Variants in CCSER1 observed in about 807,000 individuals in gnomAD.
CCSER1 encodes the protein serine-rich coiled-coil domain-containing protein 1.
In CCSER1, 41 loss-of-function variants were observed where a neutral mutation model predicts 82.0. The observed-to-expected ratio is 0.50, with a 90% CI of 0.39 to 0.65. The LOEUF (loss-of-function observed/expected upper bound fraction) is 0.65, where lower values mean the gene tolerates loss of function less well. CCSER1 is among the 30% of genes least tolerant of loss of function. The pLI is 0.00. For missense variants in CCSER1, 1,119 were observed against 1,064.2 expected (o/e 1.05, Z -0.72); for synonymous variants, 414 against 383.9 (o/e 1.08, Z -0.92).
At chr4:90,342,887 G>A (rs925195282) in intron 3 of CCSER1, among the ~76,000 whole-genome samples, 1 of 151,680 alleles carries the variant, frequency 6.6e-6, no homozygotes, top group African/African-American at 2.4e-5. Context: ...TTAGATCATA[G>A]TATTTTTTAA....
chr4:90,163,975 A>C (rs762881191), intron 1 of CCSER1, among the ~76,000 whole-genome samples: 53 of 152,226 alleles, frequency 3.5e-4, no homozygotes, highest in Middle Eastern at 3.4e-3. Flanking sequence ...TCCTTTTGGC[A>C]AGTGTTGAAT....
At position 91,551,490 on chromosome 4, in the gene CCSER1, G is replaced by A. The variant is rs183508130; in HGVS notation, c.2218-47082G>A. ...TATTTCTATTAGGGTTTTATTGTAGGTAAAGTTGAAAACCACTGGATACAG... is the reference window on the plus strand; with the variant it reads ...TATTTCTATTAGGGTTTTATTGTAGATAAAGTTGAAAACCACTGGATACAG... On this transcript the variant is annotated intron_variant, in intron 10 of 10. Coordinates refer to ENST00000509176, the MANE Select transcript of CCSER1 (RefSeq NM_001145065.2). Among the ~76,000 whole-genome samples, 13 of 152,154 alleles carry A rather than the reference G, an allele frequency of 8.5e-5. No individual in the cohort carries two copies. The East Asian group carries it at 2.1e-3, about 25-fold the overall frequency.
chr4:91,082,165 T>C (rs1437753967), intron 9 of CCSER1, among the ~76,000 whole-genome samples: 3 of 152,172 alleles, frequency 2.0e-5, no homozygotes, highest in Non-Finnish European at 4.4e-5. Flanking sequence ...CTTCAAAGTA[T>C]ACTACAAGGC....
rs145795332 is a variant in CCSER1, at chr4:91,180,351, G to A, written c.2217+94357G>A. On this transcript the variant is annotated intron_variant, in intron 10 of 10. Transcript: ENST00000509176. ...CTCTTCAAAGCTGTCAGACAGGGAC[G>A]TTGAAGTCTGCAGAAGTTTCTGCTG... Among the ~76,000 whole-genome samples, 7 of 152,324 alleles carry A rather than the reference G, an allele frequency of 4.6e-5. No homozygotes were observed. In the East Asian group the frequency reaches 9.7e-4, roughly 21 times the overall value.
chr4:90,865,487 A>G (rs1030357977), intron 8 of CCSER1, among the ~76,000 whole-genome samples: 2 of 151,982 alleles, frequency 1.3e-5, no homozygotes, highest in African/African-American at 4.8e-5. Flanking sequence ...TCCAGCTGTC[A>G]TATCTCTGAT....
chr4:90,948,896 A>G (rs1732579867), intron 9 of CCSER1, among the ~76,000 whole-genome samples: 2 of 151,998 alleles, frequency 1.3e-5, no homozygotes, highest in Non-Finnish European at 2.9e-5. Flanking sequence ...AATACCACGT[A>G]CTGACCAACC....
At chr4:90,899,855 T>C (rs533661992) in intron 8 of CCSER1, among the ~76,000 whole-genome samples, 1 of 152,172 alleles carries the variant, frequency 6.6e-6, no homozygotes. Flanking sequence ...TTGCTAGCAT[T>C]GTACTGAGGA....
At chr4:90,314,298 T>C (rs193088085) in intron 3 of CCSER1, among the ~76,000 whole-genome samples, 2 of 152,314 alleles carry the variant, frequency 1.3e-5, no homozygotes, top group Admixed American at 6.5e-5. Flanking sequence ...TATATTATTA[T>C]TGTTGCAGTG....
intron 10 of CCSER1, among the ~76,000 whole-genome samples, chr4:91,468,246 G>A (rs979899622): frequency 5.3e-5 from 8 of 152,008 alleles, no homozygotes; most frequent in Admixed American, 1.3e-4. Flanking sequence ...GCAAACTATC[G>A]CAAGGACAAA....
intron 8 of CCSER1, among the ~76,000 whole-genome samples, chr4:90,915,509 G>A (rs1026100721): frequency 6.6e-6 from 1 of 152,116 alleles, no homozygotes; most frequent in Admixed American, 6.6e-5. Flanking sequence ...TTGATGGGAT[G>A]TATCTCAAAA....
At chr4:90,884,600 T>C (rs1721841784) in intron 8 of CCSER1, among the ~76,000 whole-genome samples, 1 of 152,128 alleles carries the variant, frequency 6.6e-6, no homozygotes, top group African/African-American at 2.4e-5. Flanking sequence ...AAAAAAATTC[T>C]GAAGGAGCAG....
At chr4:91,136,138 C>G (rs985208536) in intron 10 of CCSER1, among the ~76,000 whole-genome samples, 24 of 152,166 alleles carry the variant, frequency 1.6e-4, no homozygotes, top group African/African-American at 5.8e-4. Flanking sequence ...TCTGATGTCC[C>G]TGAACCTTCC....
chr4:90,477,059 T>C (rs1180603681), intron 5 of CCSER1, among the ~76,000 whole-genome samples: 5 of 152,182 alleles, frequency 3.3e-5, no homozygotes, highest in African/African-American at 9.7e-5. Flanking sequence ...AGAAAAAGCA[T>C]GGTGCCAACT....
intron 1 of CCSER1, among the ~76,000 whole-genome samples, chr4:90,221,264 T>G (rs1041453732): frequency 2.0e-5 from 3 of 152,140 alleles, no homozygotes; most frequent in Non-Finnish European, 4.4e-5. Context: ...GATAATTACA[T>G]GTAATATGAA....
intron 5 of CCSER1, among the ~76,000 whole-genome samples, chr4:90,579,909 A>G (rs1781241695): frequency 1.3e-5 from 2 of 152,070 alleles, no homozygotes; most frequent in African/African-American, 4.8e-5. Flanking sequence ...AGTTCTATAA[A>G]CTGAATTATT....
At chr4:90,314,593 A>G (rs979266071) in intron 3 of CCSER1, among the ~76,000 whole-genome samples, 1 of 151,898 alleles carries the variant, frequency 6.6e-6, no homozygotes, top group Non-Finnish European at 1.5e-5. Context: ...CATCTCTAAA[A>G]AAAAATTTAA....
chr4:90,825,677 T>C (rs1166323661), intron 8 of CCSER1, among the ~76,000 whole-genome samples: 2 of 151,826 alleles, frequency 1.3e-5, no homozygotes, highest in Non-Finnish European at 2.9e-5. Context: ...AAGTTCCTCC[T>C]CTGGGCATGG....
intron 1 of CCSER1, among the ~76,000 whole-genome samples, chr4:90,163,981 T>C (rs1272547891): frequency 6.6e-6 from 1 of 152,148 alleles, no homozygotes; most frequent in Non-Finnish European, 1.5e-5. Flanking sequence ...TGGCAAGTGT[T>C]GAATTTGGAT....
chr4:90,720,013 T>C (rs1742388183), intron 6 of CCSER1, among the ~76,000 whole-genome samples: 1 of 152,224 alleles, frequency 6.6e-6, no homozygotes, highest in Non-Finnish European at 1.5e-5. Context: ...TCCCGATTTA[T>C]TTGCTCATTC....
Sources: gnomAD v4.1 joint callset for allele counts (sites outside exome capture counted in the v4.1 genomes callset) on GRCh38, gnomAD v4.1.1 for gene constraint, MANE v1.5 for transcripts, NCBI Gene and HGNC (gene_info 2026-07-23, HGNC 2026-07-21) for gene names.